HECTD4: variants seen among roughly 807,000 people sequenced by gnomAD.
HECTD4 encodes HECT domain E3 ubiquitin protein ligase 4.
HECTD4 carries 114 observed loss-of-function variants against 471.5 expected under a neutral mutation model. That is an observed-to-expected ratio of 0.24 (90% CI 0.21 to 0.28). The LOEUF is 0.28. HECTD4 is among the 10% of genes least tolerant of loss of function. The pLI is 1.00. For missense variants in HECTD4, 3,866 were observed against 5,651.5 expected, an observed-to-expected ratio of 0.68 and a Z score of 10.13; for synonymous variants, 2,012 against 2,256.0, an observed-to-expected ratio of 0.89 and a Z score of 3.07.
At position 112,167,874 on chromosome 12, in the gene HECTD4, C is replaced by A. The variant is rs746300619; in HGVS notation, c.12252G>T (p.Leu4084=). The A allele has an allele frequency of 2.2e-5, 36 of 1,613,490 alleles. No individual in the cohort carries two copies. Among genetic ancestry groups the A allele is most frequent in the Non-Finnish European group, 3.0e-5 (35 of 1,179,894 alleles). The change falls in exon 71 of 76, where the codon CTG becomes CTT. Residue 4084 remains leucine, a synonymous_variant. Coordinates refer to ENST00000682272, the MANE Select transcript of HECTD4 (RefSeq NM_001388303.1). The part of the protein sequence containing the change: ...RHFLWQVCKE[L]QSSSLSLLLL... ...GCAGCAGCGACAGCGAGGAACTCTGCAGCTCCTTACACACCTGCCACAGGA... is the reference window on the plus strand; with the variant it reads ...GCAGCAGCGACAGCGAGGAACTCTGAAGCTCCTTACACACCTGCCACAGGA...
intron 1 of HECTD4, among the ~76,000 whole-genome samples, chr12:112,340,669 C>A (rs944254113): frequency 6.6e-6 from 1 of 151,988 alleles, no homozygotes; most frequent in Non-Finnish European, 1.5e-5. Context: ...CTATAGTGAC[C>A]CCTTGATAGA....
chr12:112,261,462 G>T, intron 17 of HECTD4, 33 bp from the exon 18 acceptor site: 1 of 1,571,006 alleles, frequency 6.4e-7, no homozygotes, highest in Non-Finnish European at 8.7e-7. Flanking sequence ...TTATTTTTAA[G>T]CTTTGTGATG....
At chr12:112,264,275 C>T in intron 16 of HECTD4, 63 bp from the exon 17 acceptor site, 2 of 1,321,348 alleles carry the variant, frequency 1.5e-6, no homozygotes, top group South Asian at 2.1e-5. Context: ...TCATGTAATC[C>T]TCATGTTTTT....
chr12:112,306,131 G>C lies in HECTD4; in HGVS notation c.1268C>G (p.Ser423Cys). 1.9e-6 allele frequency: 3 copies of C among 1,613,118 alleles called. No individual in the cohort carries two copies. The highest frequency in any genetic ancestry group is 2.5e-6 in the Non-Finnish European group (3 of 1,179,620). The change falls in exon 7 of 76, where the codon TCT (serine) becomes TGT (cysteine). Residue 423 changes from serine to cysteine, a missense_variant. By Grantham distance (112) the Ser-to-Cys change is moderately radical. This residue lies in a region of HECTD4 where 440 missense variants were observed against 636.0 expected (regional missense o/e 0.69). Coordinates refer to ENST00000682272, the MANE Select transcript of HECTD4 (RefSeq NM_001388303.1). ...TGTTTTCTCATTCAGGCTGGCAGGAGACCAGATCCAATAGAAGTAAGTGCC... is the reference window on the plus strand; with the variant it reads ...TGTTTTCTCATTCAGGCTGGCAGGACACCAGATCCAATAGAAGTAAGTGCC... ...SDGTYFYWIW[S>C]PASLNEKTPK...
chr12:112,287,395 T>A (rs190825570), intron 7 of HECTD4, among the ~76,000 whole-genome samples: 5 of 152,194 alleles, frequency 3.3e-5, no homozygotes, highest in Non-Finnish European at 5.9e-5. Flanking sequence ...GTCATCTGGA[T>A]CATAACTGGA....
At chr12:112,202,001 C>T (rs1187810212) in intron 54 of HECTD4, among the ~76,000 whole-genome samples, 1 of 152,124 alleles carries the variant, frequency 6.6e-6, no homozygotes, top group East Asian at 1.9e-4. Flanking sequence ...TTTATTTTCA[C>T]ACATTTCTAT....
intron 40 of HECTD4, 110 bp downstream of exon 40, chr12:112,230,577 T>C (rs2033355589): frequency 2.2e-6 from 3 of 1,333,800 alleles, no homozygotes; most frequent in African/African-American, 1.5e-5. Context: ...AACAGGTATC[T>C]GATGAATTTG....
At chr12:112,263,865 G>C (rs1393461055) in intron 17 of HECTD4, among the ~76,000 whole-genome samples, 2 of 151,986 alleles carry the variant, frequency 1.3e-5, no homozygotes, top group African/African-American at 4.8e-5. Flanking sequence ...GCACAAAAAG[G>C]TTGACAGGAG....
At chr12:112,212,878 C>T (rs923719167) in intron 48 of HECTD4, among the ~76,000 whole-genome samples, 2 of 152,192 alleles carry the variant, frequency 1.3e-5, no homozygotes, top group African/African-American at 2.4e-5. Context: ...TCACTGCAAC[C>T]TCTGCCTCCC....
At chr12:112,361,285 T>C (rs994036504) in intron 1 of HECTD4, among the ~76,000 whole-genome samples, 1 of 152,114 alleles carries the variant, frequency 6.6e-6, no homozygotes, top group Non-Finnish European at 1.5e-5. Context: ...GTCTTCTTAT[T>C]TACCCTTTTT....
chr12:112,177,900 A>C (rs1193981701), intron 64 of HECTD4, among the ~76,000 whole-genome samples: 2 of 152,242 alleles, frequency 1.3e-5, no homozygotes, highest in African/African-American at 4.8e-5. Flanking sequence ...TTCAAGGCTT[A>C]AGAATGGTCC....
Position 112,162,282 on chromosome 12 carries a change from G to T in HECTD4, c.*105C>A. ...CGAAAGTTTGGAAAAGCAAAATGTT[G>T]CCAACTCCTCACGCAGGGCCCTGGA... is the stretch of plus-strand genomic sequence containing the variant. On this transcript the variant is annotated 3_prime_UTR_variant, in exon 76 of 76. Coordinates refer to ENST00000682272, the MANE Select transcript of HECTD4 (RefSeq NM_001388303.1). This position sits in a 1 kb window ranked among gnomAD's most constrained non-coding sequence, Gnocchi z 5.2. 7.3e-7 allele frequency: 1 copy of T among 1,364,862 alleles called. No individual in the cohort carries two copies. The highest frequency in any genetic ancestry group is 1.0e-6 in the Non-Finnish European group (1 of 983,268). 84.5% of individuals were successfully genotyped at this position (1,364,862 alleles called of 1,614,324 possible).
At chr12:112,300,393 A>G (rs2035139623) in intron 7 of HECTD4, among the ~76,000 whole-genome samples, 1 of 151,998 alleles carries the variant, frequency 6.6e-6, no homozygotes, top group Admixed American at 6.6e-5. Context: ...CCATTTTCGC[A>G]TCCAGGAATG....
In HECTD4 at chr12:112,265,238, G is replaced by C; in HGVS notation, c.2556C>G (p.Ile852Met). 6.3e-7 allele frequency: 1 copy of C among 1,599,926 alleles called. No homozygotes were observed. The highest frequency in any genetic ancestry group is 8.5e-7 in the Non-Finnish European group (1 of 1,170,890). ...AGACAGTTTGGCACTTGGTGATTAA[G>C]ATACAGGATTCTCGTACAACAATCT... ...ILKIVVRESCILITKCQTVSK... is the reference protein window; with the variant it reads ...ILKIVVRESCMLITKCQTVSK... Residue 852 changes from isoleucine (I) to methionine (M), a missense_variant, in exon 16 of 76, where the codon ATC becomes ATG. Transcript: ENST00000682272.
At position 112,273,279 on chromosome 12, in the gene HECTD4, G is replaced by A. The variant is rs146095636; in HGVS notation, c.1942+376C>T. Among the ~76,000 whole-genome samples the A allele has an allele frequency of 4.6e-5, 7 of 152,188 alleles. No homozygotes were observed. The East Asian group carries it at 1.3e-3, about 29-fold the overall frequency. ...TGAAAAATACAAAGGTCCTTCACTGGTAATTCTATCTAAGTTTGTGTATAA... is the reference window on the plus strand; with the variant it reads ...TGAAAAATACAAAGGTCCTTCACTGATAATTCTATCTAAGTTTGTGTATAA... On this transcript the variant is annotated intron_variant, in intron 11 of 75. Coordinates refer to ENST00000682272, the MANE Select transcript of HECTD4 (RefSeq NM_001388303.1).
intron 35 of HECTD4, 105 bp downstream of exon 35, chr12:112,236,840 C>T: frequency 9.4e-7 from 1 of 1,063,006 alleles, no homozygotes; most frequent in Non-Finnish European, 1.3e-6. Context: ...TCAAAATGGC[C>T]TAGTAATTTA....
intron 45 of HECTD4, among the ~76,000 whole-genome samples, chr12:112,218,423 A>T (rs958739146): frequency 6.6e-5 from 10 of 152,218 alleles, no homozygotes; most frequent in Non-Finnish European, 1.3e-4. Flanking sequence ...CTTTGCCCCC[A>T]CAGCTCCTGG....
At chr12:112,357,409 C>T (rs2036360300) in intron 1 of HECTD4, among the ~76,000 whole-genome samples, 1 of 152,038 alleles carries the variant, frequency 6.6e-6, no homozygotes, top group Admixed American at 6.6e-5. Context: ...CCCCATCTGC[C>T]CAGCTACTGG....
rs188295553 is a variant in HECTD4 at position 112,162,294 on chromosome 12, C to G, written c.*93G>C. 2 of 1,477,914 alleles carry G rather than the reference C, an allele frequency of 1.4e-6. No individual in the cohort carries two copies. Among genetic ancestry groups the G allele is most frequent in the East Asian group, 2.3e-5 (1 of 43,942 alleles). 91.6% of individuals were successfully genotyped at this position (1,477,914 alleles called of 1,614,324 possible). Reference sequence around the variant, plus strand: ...AAAGCAAAATGTTGCCAACTCCTCACGCAGGGCCCTGGAGGGACGGGCCGC... The same window carrying G: ...AAAGCAAAATGTTGCCAACTCCTCAGGCAGGGCCCTGGAGGGACGGGCCGC... On this transcript the variant is annotated 3_prime_UTR_variant, in exon 76 of 76. Transcript: ENST00000682272. The surrounding 1 kb of genome is among the most constrained non-coding windows in gnomAD (Gnocchi z 5.2).
Sources: allele counts gnomAD v4.1 joint callset (sites outside exome capture counted in the v4.1 genomes callset), GRCh38; gene constraint gnomAD v4.1.1; regional missense constraint gnomAD v4.1.1; non-coding constraint Gnocchi (gnomAD v3.1); transcripts MANE v1.5; gene names NCBI Gene and HGNC (gene_info 2026-07-23, HGNC 2026-07-21).